The following HNRNPLL variants were observed in gnomAD, a reference collection of about 807,000 sequenced individuals.
The protein encoded by HNRNPLL is heterogeneous nuclear ribonucleoprotein L-like.
Under a neutral mutation model 67.1 loss-of-function variants are expected in HNRNPLL, and 25 were observed. The ratio of observed to expected loss-of-function variants is 0.37; its 90% CI spans 0.27 to 0.52. The LOEUF (loss-of-function observed/expected upper bound fraction) is 0.52. HNRNPLL is among the 20% of genes least tolerant of loss of function. The pLI is 0.90. For missense variants in HNRNPLL, 542 were observed against 673.9 expected, an observed-to-expected ratio of 0.80 and a Z score of 2.17; for synonymous variants, 267 against 241.7, an observed-to-expected ratio of 1.10 and a Z score of -0.97.
At chr2:38,587,666 C>CA (rs754597775) in intron 2 of HNRNPLL, among the ~76,000 whole-genome samples, 2 of 152,048 alleles carry the variant, frequency 1.3e-5, no homozygotes, top group Non-Finnish European at 2.9e-5. Flanking sequence ...TTTCACAAAA[C>CA]AAAAAAGTTG....
Position 38,570,771 on chromosome 2 carries a change from T to C in HNRNPLL, c.1093-846A>G, listed in dbSNP as rs145199615. On this transcript the variant is annotated intron_variant, in intron 8 of 12. Transcript: ENST00000449105. The stretch of plus-strand genomic sequence containing the variant: ...AAACTGCAGACAATCCCTGGTGCAG[T>C]GGCTCACACTTGTAATCCCAGCACT... 1.7e-3 allele frequency among the ~76,000 whole-genome samples: 256 copies of C among 152,204 alleles called. 1 individual carries two copies. The highest frequency in any genetic ancestry group is 6.0e-3 in the African/African-American group (248 of 41,536).
intron 12 of HNRNPLL, among the ~76,000 whole-genome samples, chr2:38,566,756 G>A (rs1558528091): frequency 6.6e-6 from 1 of 151,298 alleles, no homozygotes; most frequent in African/African-American, 2.4e-5. Context: ...GGCTGAGGCA[G>A]GAGGATCACT....
At chr2:38,590,404 A>C (rs1245051244) in intron 2 of HNRNPLL, among the ~76,000 whole-genome samples, 1 of 152,132 alleles carries the variant, frequency 6.6e-6, no homozygotes, top group Non-Finnish European at 1.5e-5. Flanking sequence ...ACACACTGAA[A>C]TTTCTCTTCT....
intron 1 of HNRNPLL, among the ~76,000 whole-genome samples, chr2:38,592,636 A>G (rs186225863): frequency 8.2e-4 from 125 of 152,356 alleles, no homozygotes; most frequent in Middle Eastern, 3.4e-3. Context: ...ATGGTCTTAA[A>G]GTTTATTTTT....
intron 1 of HNRNPLL, chr2:38,602,198 T>G: frequency 2.1e-6 from 1 of 468,076 alleles, no homozygotes; most frequent in East Asian, 4.1e-5. Context: ...CTCCCCAAGT[T>G]CAGGGCCCGG....
Position 38,569,841 on chromosome 2 carries a change from TA to T in HNRNPLL, c.1176del (p.Asn393IlefsTer40). The T allele has an allele frequency of 6.7e-7, 1 of 1,499,028 alleles. No individual in the cohort carries two copies. The highest frequency in any genetic ancestry group is 9.3e-7 in the Non-Finnish European group (1 of 1,079,194). 92.9% of individuals were successfully genotyped at this position (1,499,028 alleles called of 1,614,324 possible). A position where few individuals can be genotyped will look rare whatever the true frequency, so the allele number is the denominator to read the frequency against. On this transcript the variant is annotated frameshift_variant, in exon 9 of 13. Coordinates refer to ENST00000449105, the MANE Select transcript of HNRNPLL (RefSeq NM_138394.4). LOFTEE classifies it high-confidence loss of function. ...EYAVERAVTHLNNVKLFGKRL... is the reference protein window; with the variant it reads ...EYAVERAVTHXNNVKLFGKRL... ...CTTTTCCCAAATAATTTGACATTAT[TA>T]AGGTGTGTGACAGCTCTTTCTACAG...
chr2:38,570,570 T>C (rs755033662), intron 8 of HNRNPLL, among the ~76,000 whole-genome samples: 10 of 152,198 alleles, frequency 6.6e-5, no homozygotes, highest in Non-Finnish European at 1.5e-4. Context: ...AGGCCATACT[T>C]ACCCTCTTGT....
intron 12 of HNRNPLL, among the ~76,000 whole-genome samples, chr2:38,564,873 T>A (rs1416668514): frequency 6.6e-6 from 1 of 151,622 alleles, no homozygotes; most frequent in Non-Finnish European, 1.5e-5. Flanking sequence ...CCAATTCAAA[T>A]ACAGCTTGGG....
At chr2:38,602,281 G>C in intron 1 of HNRNPLL, 157 bp downstream of exon 1, 2 of 680,058 alleles carry the variant, frequency 2.9e-6, no homozygotes, top group Non-Finnish European at 4.7e-6. Flanking sequence ...AACAGGTAGA[G>C]GCCAGAATAC....
In HNRNPLL at chr2:38,594,550, A is replaced by G. The variant is rs144539950; in HGVS notation, c.190-2902T>C. Among the ~76,000 whole-genome samples, 920 of 152,358 alleles carry G rather than the reference A, an allele frequency of 6.0e-3. 7 individuals carry two copies. Among genetic ancestry groups the G allele is most frequent in the African/African-American group, 0.021 (876 of 41,576 alleles). On this transcript the variant is annotated intron_variant, in intron 1 of 12. Coordinates refer to ENST00000449105, the MANE Select transcript of HNRNPLL (RefSeq NM_138394.4). ...ACAGCAAAAAGCTAAAAACTGCTGA[A>G]TCTAAGTGAAGGATATACGTTAAGT...
chr2:38,602,897 C>CGCTCCCT lies in HNRNPLL; in HGVS notation c.-278_-272dup. The stretch of plus-strand genomic sequence containing the variant: ...CCTCTCCCTCCTCCTCCTCCGTCTC[C>CGCTCCCT]GCTCCCTGCCCGGAGGAGCGAATCT... On this transcript the variant is annotated 5_prime_UTR_variant, in exon 1 of 13. Transcript: ENST00000449105. 1.3e-6 allele frequency: 2 copies of CGCTCCCT among 1,544,420 alleles called. No homozygotes were observed.
In HNRNPLL at chr2:38,562,658, C is replaced by G. The variant is rs1573712771; in HGVS notation, c.*1524G>C. ...AGCCCAGTATCGAACACAGTTCACA[C>G]AGTTACCCTTGGCATAACTTACTGG... On this transcript the variant is annotated 3_prime_UTR_variant, in exon 13 of 13. Coordinates refer to ENST00000449105, the MANE Select transcript of HNRNPLL (RefSeq NM_138394.4). 6.6e-6 allele frequency: 1 copy of G among 152,064 alleles called. No homozygotes were observed. Among genetic ancestry groups the G allele is most frequent in the South Asian group, 2.1e-4 (1 of 4,828 alleles). The allele number at this position is 152,064 out of a possible 1,614,324, so 9.4% of individuals were successfully genotyped here.
chr2:38,602,337 A>G (rs1667476129), intron 1 of HNRNPLL, 101 bp downstream of exon 1: 11 of 1,162,870 alleles, frequency 9.5e-6, no homozygotes, highest in Non-Finnish European at 1.2e-5. Flanking sequence ...GGGTCGGCGC[A>G]GCGGAAAAGG....
At chr2:38,572,163 T>A (rs963035430) in intron 8 of HNRNPLL, among the ~76,000 whole-genome samples, 28 of 152,186 alleles carry the variant, frequency 1.8e-4, no homozygotes, top group Non-Finnish European at 8.8e-5. Context: ...TCTTGCCCAG[T>A]TACACAAGTA....
intron 7 of HNRNPLL, among the ~76,000 whole-genome samples, chr2:38,575,018 C>T (rs148654095): frequency 6.6e-6 from 1 of 151,664 alleles, no homozygotes; most frequent in Non-Finnish European, 1.5e-5. Context: ...ACTAAATTTT[C>T]TTTTTCATGG....
chr2:38,587,880 C>T (rs1272277457), intron 2 of HNRNPLL, among the ~76,000 whole-genome samples: 1 of 152,072 alleles, frequency 6.6e-6, no homozygotes, highest in Non-Finnish European at 1.5e-5. Flanking sequence ...TTAGCACTAT[C>T]CCCCTAGCGC....
chr2:38,600,786 T>C (rs1667402101), intron 1 of HNRNPLL, among the ~76,000 whole-genome samples: 1 of 152,110 alleles, frequency 6.6e-6, no homozygotes, highest in Admixed American at 6.6e-5. Flanking sequence ...GCCTAGACTC[T>C]TGACCACCCC....
At chr2:38,585,590 G>T in intron 3 of HNRNPLL, 54 bp downstream of exon 3, 2 of 1,105,750 alleles carry the variant, frequency 1.8e-6, no homozygotes, top group Non-Finnish European at 2.8e-6. Flanking sequence ...CAGTCACTCT[G>T]GAGGCAAACT....
At chr2:38,595,369 G>A (rs1667139657) in intron 1 of HNRNPLL, among the ~76,000 whole-genome samples, 3 of 150,888 alleles carry the variant, frequency 2.0e-5, no homozygotes, top group African/African-American at 7.3e-5. Context: ...CCCATTATAG[G>A]TAACCACTAT....
Sources: gnomAD v4.1 joint callset for allele counts (sites outside exome capture counted in the v4.1 genomes callset) on GRCh38, gnomAD v4.1.1 for gene constraint, MANE v1.5 for transcripts, NCBI Gene and HGNC (gene_info 2026-07-23, HGNC 2026-07-21) for gene names.